The following PCDH15 variants were observed in gnomAD, a reference collection of about 807,000 sequenced individuals.
The protein encoded by PCDH15 is protocadherin related 15.
In PCDH15, 129 loss-of-function variants were observed where a neutral mutation model predicts 178.5. The ratio of observed to expected loss-of-function variants is 0.72; its 90% CI spans 0.63 to 0.84. The LOEUF (loss-of-function observed/expected upper bound fraction) is 0.84, where lower values mean the gene tolerates loss of function less well. Ranked by LOEUF, PCDH15 falls within the 40% of genes least tolerant of loss-of-function variation. The probability of loss-of-function intolerance (pLI) is 0.00; values close to 1 mark genes in which losing one functional copy is unlikely to be tolerated. For missense variants in PCDH15, 2,230 were observed against 2,099.9 expected, an observed-to-expected ratio of 1.06 and a Z score of -1.21; for synonymous variants, 800 against 732.0, an observed-to-expected ratio of 1.09 and a Z score of -1.50.
At chr10:55,166,758 TTTC>T (rs1458829811) in intron 1 of PCDH15, 12 of 152,178 alleles carry the variant, frequency 7.9e-5, no homozygotes, top group African/African-American at 2.9e-4. Flanking sequence ...TATATTAAGA[TTTC>T]TTGTGCTTAA....
intron 2 of PCDH15, among the ~76,000 whole-genome samples, chr10:55,017,680 G>A (rs1262555936): frequency 6.6e-6 from 1 of 151,974 alleles, no homozygotes; most frequent in Non-Finnish European, 1.5e-5. Flanking sequence ...GGAGCTTTAA[G>A]TATTCAATAA....
At chr10:54,622,296 T>G (rs572747914) in intron 2 of PCDH15, among the ~76,000 whole-genome samples, 299 of 151,562 alleles carry the variant, frequency 2.0e-3, no homozygotes, top group African/African-American at 6.9e-3. Flanking sequence ...AGCCGTGAGA[T>G]ATCAGACTTC....
chr10:55,257,379 C>A (rs1842026499), intron 1 of PCDH15, among the ~76,000 whole-genome samples: 2 of 152,272 alleles, frequency 1.3e-5, no homozygotes, highest in Middle Eastern at 3.4e-3. Context: ...TGGAGAATGA[C>A]TTTGACGAGT....
chr10:55,159,388 T>TACAC (rs56297688), intron 2 of PCDH15, among the ~76,000 whole-genome samples: 452 of 19,276 alleles, frequency 0.023, 1 homozygote, highest in Non-Finnish European at 0.064. Context: ...TATATATATA[T>TACAC]ACACACATAC....
At chr10:55,471,729 G>A (rs900414633) in intron 2 of PCDH15, among the ~76,000 whole-genome samples, 1 of 152,170 alleles carries the variant, frequency 6.6e-6, no homozygotes, top group African/African-American at 2.4e-5. Flanking sequence ...TATAGCGGAA[G>A]CTATTGATGT....
chr10:54,520,892 T>A (rs1453353814), intron 3 of PCDH15, among the ~76,000 whole-genome samples: 2 of 151,512 alleles, frequency 1.3e-5, no homozygotes, highest in Non-Finnish European at 2.9e-5. Flanking sequence ...CCATAAAAAA[T>A]GATGAGTTCA....
At chr10:54,315,081 G>C (rs1003458962) in intron 8 of PCDH15, among the ~76,000 whole-genome samples, 1 of 152,140 alleles carries the variant, frequency 6.6e-6, no homozygotes, top group Non-Finnish European at 1.5e-5. Flanking sequence ...TCAAATGGGA[G>C]TTCTTCTTTT....
At chr10:55,552,956 G>T (rs1251118003) in intron 2 of PCDH15, among the ~76,000 whole-genome samples, 1 of 151,472 alleles carries the variant, frequency 6.6e-6, no homozygotes, top group African/African-American at 2.4e-5. Context: ...AGTCACTTTG[G>T]TTATTTAATT....
intron 16 of PCDH15, among the ~76,000 whole-genome samples, chr10:54,088,109 A>G (rs1282405625): frequency 2.0e-5 from 3 of 152,162 alleles, no homozygotes; most frequent in African/African-American, 7.2e-5. Flanking sequence ...ACTCAGTCTC[A>G]AGCACTTCTT....
intron 2 of PCDH15, among the ~76,000 whole-genome samples, chr10:54,936,618 T>C (rs145315116): frequency 0.012 from 1,830 of 152,004 alleles, 43 homozygotes; most frequent in African/African-American, 0.042. Context: ...TAATTTTCTC[T>C]TCACAAATAA....
intron 2 of PCDH15, among the ~76,000 whole-genome samples, chr10:55,463,427 C>T (rs1287454944): frequency 6.6e-6 from 1 of 152,096 alleles, no homozygotes; most frequent in Non-Finnish European, 1.5e-5. Flanking sequence ...AGGAGGCTCA[C>T]TTGAGCCCAG....
chr10:54,422,300 C>A (rs1955627155), intron 3 of PCDH15, among the ~76,000 whole-genome samples: 1 of 152,022 alleles, frequency 6.6e-6, no homozygotes, highest in Non-Finnish European at 1.5e-5. Flanking sequence ...CTCCTCTATG[C>A]TTCAATTTCC....
chr10:55,447,715 T>C (rs1312897906), intron 2 of PCDH15, among the ~76,000 whole-genome samples: 2 of 152,170 alleles, frequency 1.3e-5, no homozygotes, highest in East Asian at 3.9e-4. Flanking sequence ...AAAATAGTCA[T>C]TAAAACCATA....
chr10:55,466,962 G>A (rs1226360252), intron 2 of PCDH15, among the ~76,000 whole-genome samples: 1 of 152,078 alleles, frequency 6.6e-6, no homozygotes, highest in Non-Finnish European at 1.5e-5. Flanking sequence ...AATGCTCCCT[G>A]ATCTATCCAC....
chr10:54,389,059 C>T (rs1365924782), intron 3 of PCDH15, among the ~76,000 whole-genome samples: 1 of 152,146 alleles, frequency 6.6e-6, no homozygotes, highest in Admixed American at 6.5e-5. Context: ...GAGCACTTTA[C>T]ACACAGGGTC....
intron 2 of PCDH15, among the ~76,000 whole-genome samples, chr10:55,020,232 C>T (rs1375283925): frequency 2.0e-5 from 3 of 151,488 alleles, no homozygotes; most frequent in East Asian, 3.9e-4. Flanking sequence ...TGTGCAAATA[C>T]TCCATGCAAA....
intron 2 of PCDH15, among the ~76,000 whole-genome samples, chr10:55,012,248 T>C (rs1840062237): frequency 6.6e-6 from 1 of 152,102 alleles, no homozygotes; most frequent in South Asian, 2.1e-4. Flanking sequence ...AAAAATATTG[T>C]GTGGTCATTT....
At chr10:53,833,798 CT>C (rs1388970290) in intron 29 of PCDH15, among the ~76,000 whole-genome samples, 2 of 151,852 alleles carry the variant, frequency 1.3e-5, no homozygotes, top group Middle Eastern at 3.2e-3. Context: ...ATATTTTGAT[CT>C]CTTTTATTAT....
At chr10:54,231,830 T>G (rs1484718436) in intron 9 of PCDH15, among the ~76,000 whole-genome samples, 1 of 152,222 alleles carries the variant, frequency 6.6e-6, no homozygotes, top group East Asian at 1.9e-4. Context: ...TGTAGACCCT[T>G]TGCTTTGGCT....
Sources: allele counts gnomAD v4.1 joint callset (sites outside exome capture counted in the v4.1 genomes callset), GRCh38; gene constraint gnomAD v4.1.1; transcripts MANE v1.5; gene names NCBI Gene and HGNC (gene_info 2026-07-23, HGNC 2026-07-21).